Variants in FAM184A observed in about 807,000 individuals in gnomAD.
The protein encoded by FAM184A is protein FAM184A.
In FAM184A, 99 loss-of-function variants were observed where a neutral mutation model predicts 143.8. The observed-to-expected ratio is 0.69, with a 90% CI of 0.58 to 0.81. FAM184A has a LOEUF of 0.81. Ranked by LOEUF, FAM184A falls within the 40% of genes least tolerant of loss-of-function variation. The pLI is 0.00. For missense variants in FAM184A, 1,217 were observed against 1,310.5 expected, an observed-to-expected ratio of 0.93 and a Z score of 1.10; for synonymous variants, 427 against 446.4, an observed-to-expected ratio of 0.96 and a Z score of 0.55.
chr6:119,016,365 A>G (rs1023949203), intron 5 of FAM184A, among the ~76,000 whole-genome samples: 1 of 152,098 alleles, frequency 6.6e-6, no homozygotes, highest in Non-Finnish European at 1.5e-5. Context: ...CTTTGGGTCC[A>G]CGCTGCTTTT....
intron 1 of FAM184A, among the ~76,000 whole-genome samples, chr6:119,031,877 A>G (rs1785883958): frequency 6.6e-6 from 1 of 152,204 alleles, no homozygotes. Context: ...TTCACAATAT[A>G]AGAAAAAATG....
chr6:119,010,276 A>G (rs1446418972), intron 6 of FAM184A, among the ~76,000 whole-genome samples: 1 of 152,238 alleles, frequency 6.6e-6, no homozygotes, highest in African/African-American at 2.4e-5. Flanking sequence ...GTTAAAGGAC[A>G]TGCCTGTCTT....
intron 8 of FAM184A, 33 bp from the exon 9 acceptor site, chr6:119,003,082 G>C: frequency 1.9e-6 from 3 of 1,563,864 alleles, no homozygotes; most frequent in Non-Finnish European, 2.6e-6. Flanking sequence ...ACTTTGTAAA[G>C]AGAATTATTC....
intron 1 of FAM184A, among the ~76,000 whole-genome samples, chr6:119,139,647 T>TTA (rs542357827): frequency 7.0e-6 from 1 of 142,606 alleles, no homozygotes; most frequent in African/African-American, 2.5e-5. Context: ...ATATTTAAAG[T>TTA]AAAAAAAAAA....
chr6:119,024,516 T>A lies in FAM184A; in HGVS notation c.457A>T (p.Thr153Ser). The A allele has an allele frequency of 6.2e-7, 1 of 1,613,878 alleles. No homozygotes were observed. Among genetic ancestry groups the A allele is most frequent in the Non-Finnish European group, 8.5e-7 (1 of 1,179,940 alleles). The change falls in exon 2 of 18, where the codon ACC (threonine) becomes TCC (serine). Residue 153 changes from threonine (T) to serine (S), a missense_variant. Thr to Ser is a moderately conservative substitution (Grantham distance 58). Transcript: ENST00000338891. ...AEAQHVQRIV[T>S]MSREVEEIRR... Reference sequence around the variant, plus strand: ...ATCTCTTCGACTTCTCTAGACATGGTCACTATGCGTTGGACATGCTGGGCT... The same window carrying A: ...ATCTCTTCGACTTCTCTAGACATGGACACTATGCGTTGGACATGCTGGGCT...
intron 5 of FAM184A, among the ~76,000 whole-genome samples, chr6:119,015,562 C>G (rs910119244): frequency 6.6e-6 from 1 of 152,254 alleles, no homozygotes; most frequent in African/African-American, 2.4e-5. Flanking sequence ...TGCCTTCCCA[C>G]GGGGCAGGCC....
At chr6:119,051,849 G>A (rs538959414) in intron 1 of FAM184A, among the ~76,000 whole-genome samples, 15 of 152,314 alleles carry the variant, frequency 9.8e-5, no homozygotes, top group African/African-American at 2.9e-4. Flanking sequence ...GGTGAGTCAG[G>A]TAAGACTGGA....
At chr6:119,082,676 C>T (rs1167971504), upstream of FAM184A, among the ~76,000 whole-genome samples, 1 of 152,230 alleles carries the variant, frequency 6.6e-6, no homozygotes, top group African/African-American at 2.4e-5. Flanking sequence ...CATGCTGATG[C>T]AAGAAGTGGG....
chr6:118,960,750 A>G, intron 17 of FAM184A: 1 of 1,326,292 alleles, frequency 7.5e-7, no homozygotes. Flanking sequence ...GCTACTTAAG[A>G]AAACAAAAGA....
At chr6:119,065,921 G>A (rs1317926249) in intron 1 of FAM184A, among the ~76,000 whole-genome samples, 1 of 152,210 alleles carries the variant, frequency 6.6e-6, no homozygotes, top group African/African-American at 2.4e-5. Flanking sequence ...AGTAGTACAT[G>A]AGAGCTAAGG....
chr6:119,039,149 C>A (rs528613717), intron 1 of FAM184A, among the ~76,000 whole-genome samples: 6 of 152,198 alleles, frequency 3.9e-5, no homozygotes, highest in Non-Finnish European at 8.8e-5. Context: ...ACACTGACAA[C>A]AGCAAATGCT....
intron 1 of FAM184A, among the ~76,000 whole-genome samples, chr6:119,041,522 G>C (rs1003716693): frequency 6.6e-6 from 1 of 152,190 alleles, no homozygotes; most frequent in Admixed American, 6.5e-5. Context: ...TATAAACCCA[G>C]ACATTCCAGC....
chr6:119,115,528 A>G (rs1789032919), intron 1 of FAM184A, among the ~76,000 whole-genome samples: 1 of 152,194 alleles, frequency 6.6e-6, no homozygotes, highest in Non-Finnish European at 1.5e-5. Context: ...CCTGTCTCTA[A>G]TTAAAAAATA....
intron 1 of FAM184A, among the ~76,000 whole-genome samples, chr6:119,112,971 T>C (rs910771381): frequency 1.3e-5 from 2 of 152,240 alleles, no homozygotes; most frequent in Non-Finnish European, 1.5e-5. Flanking sequence ...AAATGCTAAG[T>C]GGAGCTGCAG....
At chr6:119,037,032 C>A (rs1010364152) in intron 1 of FAM184A, among the ~76,000 whole-genome samples, 6 of 152,114 alleles carry the variant, frequency 3.9e-5, no homozygotes, top group Admixed American at 2.0e-4. Context: ...TAATCCTGGA[C>A]ACTGAGAGAA....
At chr6:119,088,979 TGAG>T (rs1290440999) in intron 1 of FAM184A, among the ~76,000 whole-genome samples, 1 of 152,126 alleles carries the variant, frequency 6.6e-6, no homozygotes, top group African/African-American at 2.4e-5. Context: ...ATTTGTAAAA[TGAG>T]GAGATTGGAC....
chr6:119,052,867 A>C (rs775317705), intron 1 of FAM184A, among the ~76,000 whole-genome samples: 93 of 152,244 alleles, frequency 6.1e-4, no homozygotes, highest in Non-Finnish European at 1.3e-3. Context: ...CAATATAATG[A>C]ATCATCTAAC....
chr6:119,146,735 G>T (rs1772447934), intron 1 of FAM184A, among the ~76,000 whole-genome samples: 1 of 151,982 alleles, frequency 6.6e-6, no homozygotes, highest in Admixed American at 6.6e-5. Context: ...GGGGGTTGTT[G>T]GTCGACATGT....
At chr6:119,004,406 C>G (rs998756740) in intron 7 of FAM184A, among the ~76,000 whole-genome samples, 14 of 152,208 alleles carry the variant, frequency 9.2e-5, no homozygotes, top group Non-Finnish European at 1.9e-4. Context: ...GAGAAAAAAA[C>G]AAGCCAATGT....
Sources: gnomAD v4.1 joint callset for allele counts (sites outside exome capture counted in the v4.1 genomes callset) on GRCh38, gnomAD v4.1.1 for gene constraint, MANE v1.5 for transcripts, NCBI Gene and HGNC (gene_info 2026-07-23, HGNC 2026-07-21) for gene names.